KDM3A: variants seen among roughly 807,000 people sequenced by gnomAD.
KDM3A encodes the protein lysine-specific demethylase 3A.
A neutral mutation model predicts 158.0 loss-of-function variants in KDM3A; 60 were observed. The ratio of observed to expected loss-of-function variants is 0.38; its 90% CI spans 0.31 to 0.47. The LOEUF is 0.47. Ranked by LOEUF, KDM3A falls within the 20% of genes least tolerant of loss-of-function variation. The pLI, the probability that KDM3A is intolerant of heterozygous loss-of-function variation, is 0.99. For synonymous variants in KDM3A, 608 were observed against 549.3 expected (o/e 1.11, Z -1.49); for missense variants, 1,319 against 1,574.3 (o/e 0.84, Z 2.74).
rs1434740115 is a variant in KDM3A, at chr2:86,466,304, T to A, written c.1008-68T>A. On this transcript the variant is annotated intron_variant, in intron 9 of 25. Transcript: ENST00000312912. ...CGTTACCTTAGGGAACCAAACAGTT[T>A]GTTTGGGGAAGATAATGGAGAGATA... 6.1e-6 allele frequency: 9 copies of A among 1,463,770 alleles called. No homozygotes were observed. In the Admixed American group the frequency reaches 1.3e-4, roughly 22 times the overall value. The allele number at this position is 1,463,770 out of a possible 1,614,324, so 90.7% of individuals were successfully genotyped here. A position where few individuals can be genotyped will look rare whatever the true frequency, so the allele number is the denominator to read the frequency against.
upstream of KDM3A, among the ~76,000 whole-genome samples, chr2:86,438,316 T>C: frequency 6.6e-6 from 1 of 152,126 alleles, no homozygotes. Flanking sequence ...TGTGAGTACA[T>C]TTACCTTATA....
At chr2:86,448,640 G>T (rs1683047338) in intron 2 of KDM3A, among the ~76,000 whole-genome samples, 1 of 152,130 alleles carries the variant, frequency 6.6e-6, no homozygotes, top group Non-Finnish European at 1.5e-5. Flanking sequence ...TATGAATTGT[G>T]CTCTGATAGA....
At chr2:86,458,350 G>T (rs1046400009) in intron 8 of KDM3A, among the ~76,000 whole-genome samples, 4 of 152,156 alleles carry the variant, frequency 2.6e-5, no homozygotes, top group African/African-American at 9.7e-5. Flanking sequence ...TCCTTTGAAG[G>T]GTATAGGCTT....
At chr2:86,460,681 G>C (rs368914719) in intron 8 of KDM3A, 72 of 152,278 alleles carry the variant, frequency 4.7e-4, no homozygotes, top group African/African-American at 1.6e-3. Flanking sequence ...GACGTTGCCT[G>C]GTTAGTTGGG....
intron 6 of KDM3A, 40 bp from the exon 7 acceptor site, chr2:86,456,765 T>C (rs1231689711): frequency 6.6e-7 from 1 of 1,515,468 alleles, no homozygotes; most frequent in Admixed American, 1.7e-5. Context: ...TTCTTGAGCA[T>C]TTTTTATTTT....
In KDM3A at chr2:86,481,978, C is replaced by T. The variant is rs1673952145; in HGVS notation, c.2561C>T (p.Pro854Leu). Residue 854 changes from proline (P) to leucine (L), a missense_variant, in exon 17 of 26, where the codon CCA becomes CTA. Physicochemically the swap from Pro to Leu is moderately conservative, Grantham distance 98. Coordinates refer to ENST00000312912, the MANE Select transcript of KDM3A (RefSeq NM_018433.6). ...TTAAAGAATGAAATCAAATGCCTTC[C>T]ACCCCTCCCACCTTTAAGCAAATCC... ...PILKNEIKCL[P>L]PLPPLSKSST... The T allele has an allele frequency of 1.9e-6, 3 of 1,613,700 alleles. No individual in the cohort carries two copies. Among genetic ancestry groups the T allele is most frequent in the Non-Finnish European group, 2.5e-6 (3 of 1,179,886 alleles).
upstream of KDM3A, among the ~76,000 whole-genome samples, chr2:86,440,063 T>C (rs564724449): frequency 1.6e-4 from 25 of 152,322 alleles, no homozygotes; most frequent in Non-Finnish European, 3.1e-4. Flanking sequence ...TTTTACCATA[T>C]GTTCTGGTTT....
chr2:86,451,724 A>G (rs1672479525), intron 4 of KDM3A, among the ~76,000 whole-genome samples: 2 of 152,132 alleles, frequency 1.3e-5, no homozygotes, highest in Admixed American at 6.5e-5. Context: ...ACAGGAAAGA[A>G]CCCATCCCAT....
At chr2:86,472,556 G>T (rs1158346258) in intron 11 of KDM3A, among the ~76,000 whole-genome samples, 2 of 151,864 alleles carry the variant, frequency 1.3e-5, no homozygotes, top group Admixed American at 1.3e-4. Context: ...TCTAATTTGG[G>T]CCATCTTAAA....
At chr2:86,459,478 A>T (rs1407722561) in intron 8 of KDM3A, among the ~76,000 whole-genome samples, 1 of 152,032 alleles carries the variant, frequency 6.6e-6, no homozygotes, top group African/African-American at 2.4e-5. Context: ...AGTATGATGA[A>T]GAGGAGAGCT....
In KDM3A at chr2:86,478,275, G is replaced by T; in HGVS notation, c.2188+10G>T. 1 of 1,582,224 alleles carries T rather than the reference G, an allele frequency of 6.3e-7. No homozygotes were observed. The highest frequency in any genetic ancestry group is 8.7e-7 in the Non-Finnish European group (1 of 1,151,540). On this transcript the variant is annotated intron_variant, in intron 14 of 25. Coordinates refer to ENST00000312912, the MANE Select transcript of KDM3A (RefSeq NM_018433.6). ...ATCATTCCTGGAAAAGGTATTTCATGTGCTGCAGTGATTTTCTTTCCCCTT... is the reference window on the plus strand; with the variant it reads ...ATCATTCCTGGAAAAGGTATTTCATTTGCTGCAGTGATTTTCTTTCCCCTT...
In KDM3A at chr2:86,482,481, A is replaced by G. The variant is rs1213196382; in HGVS notation, c.2709A>G (p.Thr903=). The G allele has an allele frequency of 6.2e-7, 1 of 1,613,994 alleles. No homozygotes were observed. ...TGKTENGLKN[T]PKILDDIFAS... ...AGACAGAAAATGGACTCAAGAATAC[A>G]CCAAAAATCCTTGATGACATCTTTG... The change falls in exon 18 of 26, where the codon ACA becomes ACG. Residue 903 remains threonine, a synonymous_variant. Coordinates refer to ENST00000312912, the MANE Select transcript of KDM3A (RefSeq NM_018433.6).
At position 86,478,161 on chromosome 2, in the gene KDM3A, T is replaced by C; in HGVS notation, c.2093-9T>C. On this transcript the variant is annotated splice_polypyrimidine_tract_variant and intron_variant, in intron 13 of 25. Coordinates refer to ENST00000312912, the MANE Select transcript of KDM3A (RefSeq NM_018433.6). ...TAAAGAACAGTTACTACAAATCAGT[T>C]ATTTGCAGGTGCTGCTTACAAGACT... 6.2e-7 allele frequency: 1 copy of C among 1,612,848 alleles called. No homozygotes were observed. Among genetic ancestry groups the C allele is most frequent in the Non-Finnish European group, 8.5e-7 (1 of 1,178,874 alleles).
Position 86,484,928 on chromosome 2 carries a change from T to C in KDM3A, c.3095-14T>C. 6.5e-7 allele frequency: 1 copy of C among 1,527,714 alleles called. No homozygotes were observed. Among genetic ancestry groups the C allele is most frequent in the Non-Finnish European group, 9.1e-7 (1 of 1,102,432 alleles). The allele number at this position is 1,527,714 out of a possible 1,614,324, so 94.6% of individuals were successfully genotyped here. A position where few individuals can be genotyped will look rare whatever the true frequency, so the allele number is the denominator to read the frequency against. On this transcript the variant is annotated splice_polypyrimidine_tract_variant and intron_variant, in intron 19 of 25. Transcript: ENST00000312912. Reference sequence around the variant, plus strand: ...AATTATAAATAGTAATAGTTCATTCTGTTTACCTTTCAGATCGTTTGAAAA... The same window carrying C: ...AATTATAAATAGTAATAGTTCATTCCGTTTACCTTTCAGATCGTTTGAAAA...
At chr2:86,443,692 C>T (rs927767961) in intron 2 of KDM3A, among the ~76,000 whole-genome samples, 3 of 152,122 alleles carry the variant, frequency 2.0e-5, no homozygotes, top group Admixed American at 6.5e-5. Flanking sequence ...ACCATCAGGC[C>T]AGTGATCAAG....
At chr2:86,463,991 G>A (rs1673029185) in intron 8 of KDM3A, 62 bp from the exon 9 acceptor site, 10 of 1,222,330 alleles carry the variant, frequency 8.2e-6, no homozygotes, top group Non-Finnish European at 1.0e-5. Context: ...AAATTTGGTA[G>A]CATTTTATTA....
intron 11 of KDM3A, among the ~76,000 whole-genome samples, chr2:86,473,868 G>T (rs1673527869): frequency 6.6e-6 from 1 of 152,210 alleles, no homozygotes; most frequent in African/African-American, 2.4e-5. Flanking sequence ...TCTGCCCTTT[G>T]TTCCACTTCT....
chr2:86,456,830 C>T lies in KDM3A; in HGVS notation c.707C>T (p.Pro236Leu), dbSNP rs769457510. 1.5e-5 allele frequency: 24 copies of T among 1,611,768 alleles called. 1 individual carries two copies. Among genetic ancestry groups the T allele is most frequent in the African/African-American group, 5.3e-5 (4 of 74,790 alleles). ...EEIPALKIVDPSLIHVEVVHD... is the reference protein window; with the variant it reads ...EEIPALKIVDLSLIHVEVVHD... ...ATTCCAGCACTGAAAATTGTTGATC[C>T]GTCACTGATTCATGTTGAAGTTGTA... The change falls in exon 7 of 26, where the codon CCG becomes CTG. Residue 236 changes from proline to leucine, a missense_variant. Physicochemically the swap from Pro to Leu is moderately conservative, Grantham distance 98. Coordinates refer to ENST00000312912, the MANE Select transcript of KDM3A (RefSeq NM_018433.6).
In KDM3A at chr2:86,491,064, A is replaced by G. The variant is rs1035822416; in HGVS notation, c.3750+7A>G. The G allele has an allele frequency of 6.2e-7, 1 of 1,613,240 alleles. No individual in the cohort carries two copies. The highest frequency in any genetic ancestry group is 1.7e-4 in the Middle Eastern group (1 of 6,054). On this transcript the variant is annotated splice_region_variant and intron_variant, in intron 24 of 25. Coordinates refer to ENST00000312912, the MANE Select transcript of KDM3A (RefSeq NM_018433.6). ...GGCAGGAGCTCCACATCAGGCAAGA[A>G]TCATTACTTTTTCTTTAATCTCTTT...
Sources: allele counts gnomAD v4.1 joint callset (sites outside exome capture counted in the v4.1 genomes callset), GRCh38; gene constraint gnomAD v4.1.1; transcripts MANE v1.5; gene names NCBI Gene and HGNC (gene_info 2026-07-23, HGNC 2026-07-21).